HS6ST2: variants seen among roughly 807,000 people sequenced by gnomAD.
HS6ST2 encodes heparan-sulfate 6-O-sulfotransferase 2.
Under a neutral mutation model 33.0 loss-of-function variants are expected in HS6ST2, and 17 were observed. That is an observed-to-expected ratio of 0.52 (90% confidence interval 0.35 to 0.77). The LOEUF is 0.77. Among genes scored for constraint, HS6ST2 ranks in the 30% least tolerant of loss-of-function variants. HS6ST2 has a pLI of 0.01. For synonymous variants in HS6ST2, 248 were observed against 237.1 expected, an observed-to-expected ratio of 1.05 and a Z score of -0.42; for missense variants, 519 against 551.7, an observed-to-expected ratio of 0.94 and a Z score of 0.59.
intron 2 of HS6ST2, among the ~76,000 whole-genome samples, chrX:132,737,471 C>T (rs1380537952): frequency 9.0e-6 from 1 of 110,977 alleles, no homozygotes; most frequent in Non-Finnish European, 1.9e-5. Flanking sequence ...TTGGTATTTC[C>T]ATTCGTTCCC....
At chrX:132,644,243 A>G (rs767434231) in intron 4 of HS6ST2, among the ~76,000 whole-genome samples, 1 of 109,681 alleles carries the variant, frequency 9.1e-6, no homozygotes, top group Non-Finnish European at 1.9e-5. Context: ...AGGGAAGGAC[A>G]GAAAAAGGGA....
chrX:132,671,462 T>G (rs1030142970), intron 3 of HS6ST2, among the ~76,000 whole-genome samples: 3 of 109,274 alleles, frequency 2.7e-5, no homozygotes, highest in Non-Finnish European at 5.7e-5. Flanking sequence ...TTTTTTTTTT[T>G]TTTGATAAAG....
upstream of HS6ST2, among the ~76,000 whole-genome samples, chrX:132,959,172 C>T (rs770039770): frequency 1.8e-5 from 2 of 111,785 alleles, no homozygotes; most frequent in Non-Finnish European, 3.8e-5. Context: ...ACCCAAGAAA[C>T]CCAGCACCAT....
chrX:132,868,399 G>A (rs960694340), intron 2 of HS6ST2, among the ~76,000 whole-genome samples: 3 of 111,988 alleles, frequency 2.7e-5, no homozygotes, highest in African/African-American at 9.7e-5. Context: ...AGGATATTCA[G>A]GACTTGAGCT....
chrX:132,665,017 A>T (rs777032311), intron 4 of HS6ST2, among the ~76,000 whole-genome samples: 1 of 112,012 alleles, frequency 8.9e-6, no homozygotes, highest in Non-Finnish European at 1.9e-5. Flanking sequence ...GAGGCTTGAG[A>T]TGGCTCAACA....
At chrX:132,715,155 C>T (rs1395201093) in intron 2 of HS6ST2, among the ~76,000 whole-genome samples, 1 of 111,938 alleles carries the variant, frequency 8.9e-6, no homozygotes, top group Admixed American at 9.4e-5. Context: ...GAAGTTCTGG[C>T]AGAACACAGT....
intron 2 of HS6ST2, among the ~76,000 whole-genome samples, chrX:132,876,464 G>A (rs1395556978): frequency 5.4e-5 from 6 of 111,970 alleles, no homozygotes; most frequent in South Asian, 3.7e-4. Context: ...TCAGCATTGC[G>A]GGTTAGGTGT....
chrX:132,757,962 C>T (rs2064773315), intron 2 of HS6ST2, among the ~76,000 whole-genome samples: 1 of 111,963 alleles, frequency 8.9e-6, no homozygotes. Flanking sequence ...ACTAAATCTC[C>T]TACCGAGTGA....
At chrX:132,925,419 A>C (rs1182272035) in intron 2 of HS6ST2, among the ~76,000 whole-genome samples, 1 of 112,212 alleles carries the variant, frequency 8.9e-6, no homozygotes, top group Non-Finnish European at 1.9e-5. Flanking sequence ...AGCCAGAAGT[A>C]CAGGTGACAA....
chrX:132,698,897 A>G (rs2064122514), intron 3 of HS6ST2, among the ~76,000 whole-genome samples: 1 of 112,221 alleles, frequency 8.9e-6, no homozygotes, highest in Admixed American at 9.5e-5. Context: ...TATCTCTAGC[A>G]TTAAGAATCG....
chrX:132,763,826 A>G (rs988347341), intron 2 of HS6ST2, among the ~76,000 whole-genome samples: 6 of 111,834 alleles, frequency 5.4e-5, no homozygotes, highest in African/African-American at 2.0e-4. Context: ...ATAGAAAGCA[A>G]TCTCTCCTGA....
At chrX:132,656,860 T>C (rs898305893) in intron 4 of HS6ST2, among the ~76,000 whole-genome samples, 15 of 111,918 alleles carry the variant, frequency 1.3e-4, no homozygotes, top group African/African-American at 4.9e-4. Flanking sequence ...TGGCAGGCTT[T>C]GAGGTCCTCC....
chrX:132,650,741 A>ATCTCTCTCCCTC (rs112444650), intron 4 of HS6ST2, among the ~76,000 whole-genome samples: 1 of 87,389 alleles, frequency 1.1e-5, no homozygotes, highest in African/African-American at 4.5e-5. Context: ...CATAGGAGGG[A>ATCTCTCTCCCTC]TCTCTCTCTC....
intron 2 of HS6ST2, among the ~76,000 whole-genome samples, chrX:132,844,056 A>G (rs948458102): frequency 8.9e-6 from 1 of 112,019 alleles, no homozygotes; most frequent in Non-Finnish European, 1.9e-5. Flanking sequence ...ATGAAATCCT[A>G]CATTCGCTTT....
intron 2 of HS6ST2, among the ~76,000 whole-genome samples, chrX:132,787,259 A>G (rs1360770740): frequency 2.2e-5 from 2 of 90,234 alleles, no homozygotes; most frequent in African/African-American, 8.5e-5. Context: ...ATATATATGT[A>G]TATATTTATA....
chrX:132,833,144 TGATTA>T (rs1311370396), intron 2 of HS6ST2, among the ~76,000 whole-genome samples: 1 of 112,126 alleles, frequency 8.9e-6, no homozygotes, highest in African/African-American at 3.2e-5. Flanking sequence ...TTTTTTAAAA[TGATTA>T]GATAAGTTTA....
At chrX:132,714,361 G>C (rs2064256195) in intron 2 of HS6ST2, among the ~76,000 whole-genome samples, 1 of 110,569 alleles carries the variant, frequency 9.0e-6, no homozygotes, top group African/African-American at 3.3e-5. Flanking sequence ...TGTTGCCCAG[G>C]CTGTGCAGCG....
intron 2 of HS6ST2, among the ~76,000 whole-genome samples, chrX:132,839,767 G>A (rs996486175): frequency 9.9e-5 from 11 of 110,890 alleles, no homozygotes; most frequent in Non-Finnish European, 1.9e-4. Context: ...CAGAAGAGGA[G>A]GGTAAAAAAC....
At chrX:132,891,090 C>T (rs1237182265) in intron 2 of HS6ST2, among the ~76,000 whole-genome samples, 1 of 89,266 alleles carries the variant, frequency 1.1e-5, no homozygotes, top group Non-Finnish European at 2.2e-5. Flanking sequence ...GTTTGCAAGT[C>T]CAAGGAGAAT....
Sources: allele counts gnomAD v4.1 joint callset (sites outside exome capture counted in the v4.1 genomes callset), GRCh38; gene constraint gnomAD v4.1.1; transcripts MANE v1.5; gene names NCBI Gene and HGNC (gene_info 2026-07-23, HGNC 2026-07-21).